The following PSD3 variants were observed in gnomAD, a reference collection of about 807,000 sequenced individuals.
The protein encoded by PSD3 is pleckstrin and Sec7 domain containing 3.
PSD3 carries 49 observed loss-of-function variants against 105.5 expected under a neutral mutation model. That is an observed-to-expected ratio of 0.46 (90% CI 0.37 to 0.59). PSD3 has a LOEUF of 0.59. Among genes scored for constraint, PSD3 ranks in the 20% least tolerant of loss-of-function variants. The pLI is 0.00. For synonymous variants in PSD3, 557 were observed against 457.8 expected (o/e 1.22, Z -2.77); for missense variants, 1,561 against 1,263.8 (o/e 1.24, Z -3.57).
At chr8:18,991,403 C>G (rs1298084452) in intron 1 of PSD3, among the ~76,000 whole-genome samples, 1 of 150,352 alleles carries the variant, frequency 6.7e-6, no homozygotes, top group Admixed American at 6.6e-5. Flanking sequence ...CACACACACT[C>G]CTGAAACTCC....
At position 18,805,056 on chromosome 8, in the gene PSD3, T is replaced by C. The variant is rs1811084909; in HGVS notation, c.1635-158A>G. Reference sequence around the variant, plus strand: ...CATAAAAATTTTTTCAGTTACCATATTTTAAAGAACTAAAGAACAGATTGC... The same window carrying C: ...CATAAAAATTTTTTCAGTTACCATACTTTAAAGAACTAAAGAACAGATTGC... On this transcript the variant is annotated intron_variant, in intron 4 of 15. Coordinates refer to ENST00000327040, the MANE Select transcript of PSD3 (RefSeq NM_015310.4). Among the ~76,000 whole-genome samples the C allele has an allele frequency of 2.0e-5, 3 of 152,226 alleles. 1 individual carries two copies. In the South Asian group the frequency reaches 6.2e-4, roughly 32 times the overall value.
intron 1 of PSD3, among the ~76,000 whole-genome samples, chr8:19,080,148 C>A (rs1829596152): frequency 2.0e-5 from 3 of 152,162 alleles, no homozygotes; most frequent in Admixed American, 2.0e-4. Context: ...CTCAGCCTCC[C>A]AAAGTGCTGG....
chr8:19,044,361 G>A (rs1030645534), intron 1 of PSD3, among the ~76,000 whole-genome samples: 7 of 152,156 alleles, frequency 4.6e-5, no homozygotes, highest in Admixed American at 4.6e-4. Context: ...CCAGCCTGGT[G>A]TAATGCAAGA....
chr8:18,871,875 G>A lies in PSD3; in HGVS notation c.989C>T (p.Ala330Val), dbSNP rs138787319. ...IDFETSLQRTASPDSKESSKV... is the reference protein window; with the variant it reads ...IDFETSLQRTVSPDSKESSKV... ...GGAAGACTCTTTGCTGTCAGGAGAG[G>A]CTGTTCTTTGCAGTGATGTCTCAAA... Residue 330 changes from alanine (A) to valine (V), a missense_variant, in exon 3 of 16, where the codon GCC (alanine) becomes GTC (valine). Ala to Val is a moderately conservative substitution (Grantham distance 64). Transcript: ENST00000327040. The A allele has an allele frequency of 1.3e-5, 21 of 1,614,208 alleles. No homozygotes were observed. The African/African-American group carries it at 2.5e-4, about 19-fold the overall frequency.
At chr8:18,643,012 A>G (rs1807765661) in intron 10 of PSD3, among the ~76,000 whole-genome samples, 1 of 152,202 alleles carries the variant, frequency 6.6e-6, no homozygotes, top group Non-Finnish European at 1.5e-5. Context: ...TCACAGAGCC[A>G]TATGAGAGAG....
At chr8:18,788,428 C>T (rs1356138551) in intron 8 of PSD3, among the ~76,000 whole-genome samples, 1 of 152,166 alleles carries the variant, frequency 6.6e-6, no homozygotes, top group Non-Finnish European at 1.5e-5. Context: ...CCCTGGCAAT[C>T]TGGGGAATGT....
intron 1 of PSD3, among the ~76,000 whole-genome samples, chr8:18,998,285 G>A (rs1826186664): frequency 6.6e-6 from 1 of 151,968 alleles, no homozygotes; most frequent in African/African-American, 2.4e-5. Context: ...TACAAAATCT[G>A]GCCCATTGTA....
chr8:18,655,328 CAAAA>C lies in PSD3; in HGVS notation c.2216+310_2216+313del, dbSNP rs35143136. 3.4e-3 allele frequency among the ~76,000 whole-genome samples: 337 copies of C among 100,136 alleles called. 2 individuals carry two copies. Among genetic ancestry groups the C allele is most frequent in the African/African-American group, 0.011 (321 of 28,484 alleles). 65.7% of individuals were successfully genotyped at this position (100,136 alleles called of 152,430 possible). ...TGGGCGACAAAGCCAGACTCCACCT[CAAAA>C]AAAAAAAAAAAAAAATTAAAAGACA... is the stretch of plus-strand genomic sequence containing the variant. On this transcript the variant is annotated intron_variant, in intron 10 of 15. Transcript: ENST00000327040.
chr8:18,579,116 AC>A (rs1802644643), intron 12 of PSD3, among the ~76,000 whole-genome samples: 1 of 151,758 alleles, frequency 6.6e-6, no homozygotes, highest in Non-Finnish European at 1.5e-5. Flanking sequence ...ACACACACAC[AC>A]ACACACACAC....
intron 9 of PSD3, among the ~76,000 whole-genome samples, chr8:18,674,638 C>T (rs567467205): frequency 1.1e-4 from 17 of 152,176 alleles, no homozygotes; most frequent in Non-Finnish European, 1.9e-4. Context: ...AAAATCTCCT[C>T]AAAACACTGT....
chr8:18,649,450 T>G (rs575785826), intron 10 of PSD3, among the ~76,000 whole-genome samples: 2 of 152,348 alleles, frequency 1.3e-5, no homozygotes, highest in Non-Finnish European at 2.9e-5. Context: ...ATAGGAGTAT[T>G]TAGCCAATGC....
chr8:18,931,964 A>G (rs918488468), intron 2 of PSD3, among the ~76,000 whole-genome samples: 1 of 152,232 alleles, frequency 6.6e-6, no homozygotes, highest in Admixed American at 6.5e-5. Flanking sequence ...TCTCAAACCT[A>G]CCAATGAGTT....
At position 18,698,320 on chromosome 8, in the gene PSD3, C is replaced by T. The variant is rs1159640518; in HGVS notation, c.2173-42635G>A. Among the ~76,000 whole-genome samples the T allele has an allele frequency of 2.6e-5, 4 of 152,128 alleles. No homozygotes were observed. The East Asian group carries it at 7.7e-4, about 29-fold the overall frequency. ...TTTTTGTAGAGATGAGGTCTCATTA[C>T]GTTGCCCAGGTTGGTCTCTAACTCC... On this transcript the variant is annotated intron_variant, in intron 9 of 15. Coordinates refer to ENST00000327040, the MANE Select transcript of PSD3 (RefSeq NM_015310.4).
At chr8:19,084,592 C>T in exon 1 of PSD3, 1 of 356,600 alleles carries the variant, frequency 2.8e-6, no homozygotes, top group Non-Finnish European at 5.6e-6. Context: ...GTCTTGGAGG[C>T]AGGGGCCTGG....
At chr8:18,911,277 T>A (rs559913852) in intron 2 of PSD3, among the ~76,000 whole-genome samples, 1 of 152,322 alleles carries the variant, frequency 6.6e-6, no homozygotes, top group African/African-American at 2.4e-5. Flanking sequence ...AGAAGTTAAA[T>A]AATGTATTCA....
chr8:18,717,976 G>T (rs1033812768), intron 9 of PSD3, among the ~76,000 whole-genome samples: 1 of 152,120 alleles, frequency 6.6e-6, no homozygotes, highest in Admixed American at 6.5e-5. Context: ...CTTCCAAGAC[G>T]GCACCCAGCG....
chr8:18,733,889 G>C (rs1419021817), intron 9 of PSD3: 1 of 152,488 alleles, frequency 6.6e-6, no homozygotes, highest in South Asian at 2.1e-4. Flanking sequence ...ATGAAAAAAA[G>C]AAAAAGAGCA....
intron 12 of PSD3, among the ~76,000 whole-genome samples, chr8:18,584,112 GA>G (rs1802997270): frequency 6.6e-6 from 1 of 152,190 alleles, no homozygotes; most frequent in Admixed American, 6.5e-5. Flanking sequence ...GTCTATGTTA[GA>G]AAATCTCAAA....
intron 3 of PSD3, among the ~76,000 whole-genome samples, chr8:18,869,530 C>T (rs1225610127): frequency 2.6e-5 from 4 of 152,158 alleles, no homozygotes; most frequent in Admixed American, 6.5e-5. Context: ...AATCTTCAAG[C>T]CTGGCACAGG....
Sources: allele counts gnomAD v4.1 joint callset (sites outside exome capture counted in the v4.1 genomes callset), GRCh38; gene constraint gnomAD v4.1.1; transcripts MANE v1.5; gene names NCBI Gene and HGNC (gene_info 2026-07-23, HGNC 2026-07-21).